Variants in FHOD3 observed in about 807,000 individuals in gnomAD.
FHOD3 encodes the protein FH1/FH2 domain-containing protein 3.
FHOD3 carries 90 observed loss-of-function variants against 173.0 expected under a neutral mutation model. That is an observed-to-expected ratio of 0.52 (90% CI 0.44 to 0.62). The LOEUF (loss-of-function observed/expected upper bound fraction) is 0.62, where lower values mean the gene tolerates loss of function less well. Among genes scored for constraint, FHOD3 ranks in the 20% least tolerant of loss-of-function variants. The pLI, the probability that FHOD3 is intolerant of heterozygous loss-of-function variation, is 0.00. For synonymous variants in FHOD3, 828 were observed against 823.0 expected (o/e 1.01, Z -0.10); for missense variants, 1,945 against 2,034.7 (o/e 0.96, Z 0.85).
chr18:36,373,276 G>T (rs1352329757), intron 3 of FHOD3, among the ~76,000 whole-genome samples: 3 of 152,160 alleles, frequency 2.0e-5, no homozygotes, highest in Non-Finnish European at 4.4e-5. Flanking sequence ...CCAAGTTGCG[G>T]CAAGAATATA....
chr18:36,594,962 G>T, intron 7 of FHOD3, 64 bp downstream of exon 7: 1 of 1,026,684 alleles, frequency 9.7e-7, no homozygotes, highest in South Asian at 1.4e-5. Context: ...AGGCTTCTGT[G>T]TTGTACATGC....
At chr18:36,485,794 G>A (rs2054162955) in intron 3 of FHOD3, among the ~76,000 whole-genome samples, 1 of 152,186 alleles carries the variant, frequency 6.6e-6, no homozygotes, top group South Asian at 2.1e-4. Context: ...AAGTCAGCCT[G>A]TGTCTCTTGC....
chr18:36,661,318 C>T (rs1373927077), intron 14 of FHOD3, among the ~76,000 whole-genome samples: 1 of 151,776 alleles, frequency 6.6e-6, no homozygotes, highest in Non-Finnish European at 1.5e-5. Flanking sequence ...ATTTTTTGCC[C>T]ATTAAGATGT....
chr18:36,574,854 A>G (rs758242935), intron 5 of FHOD3, among the ~76,000 whole-genome samples: 1 of 152,166 alleles, frequency 6.6e-6, no homozygotes, highest in Non-Finnish European at 1.5e-5. Context: ...ATTTCTCAAA[A>G]TATACTGCTT....
intron 3 of FHOD3, among the ~76,000 whole-genome samples, chr18:36,384,399 C>CA (rs144400826): frequency 0.044 from 6,603 of 151,076 alleles, 484 homozygotes; most frequent in African/African-American, 0.15. Flanking sequence ...AAAAAACAAA[C>CA]ACAAAAAACA....
intron 4 of FHOD3, among the ~76,000 whole-genome samples, chr18:36,507,689 GCTAA>G (rs1249203957): frequency 6.6e-6 from 1 of 152,164 alleles, no homozygotes; most frequent in Non-Finnish European, 1.5e-5. Flanking sequence ...TAAATATTGT[GCTAA>G]CTAATTAATT....
Position 36,679,678 on chromosome 18 carries a change from A to G in FHOD3, c.1836-1758A>G, listed in dbSNP as rs189532752. Among the ~76,000 whole-genome samples, 74 of 151,944 alleles carry G rather than the reference A, an allele frequency of 4.9e-4. 1 individual carries two copies. Among genetic ancestry groups the G allele is most frequent in the Middle Eastern group, 3.4e-3 (1 of 294 alleles). On this transcript the variant is annotated intron_variant, in intron 14 of 28. Transcript: ENST00000590592. ...TAGACATGTTTTAGTTTTTCCAATT[A>G]TATGGATTTTTTTCAAATTTATCTC... is the stretch of plus-strand genomic sequence containing the variant.
At chr18:36,434,235 T>C (rs1305050181) in intron 3 of FHOD3, among the ~76,000 whole-genome samples, 1 of 152,250 alleles carries the variant, frequency 6.6e-6, no homozygotes, top group African/African-American at 2.4e-5. Flanking sequence ...TGGTCTATAA[T>C]CCAATTTGAC....
chr18:36,498,165 G>A (rs2054843065), intron 3 of FHOD3, among the ~76,000 whole-genome samples: 2 of 151,794 alleles, frequency 1.3e-5, no homozygotes. Flanking sequence ...TCAAATAAAT[G>A]AAAATGAAAA....
intron 2 of FHOD3, among the ~76,000 whole-genome samples, chr18:36,361,324 G>A (rs933813633): frequency 6.6e-6 from 1 of 152,130 alleles, no homozygotes; most frequent in African/African-American, 2.4e-5. Context: ...CCAGGTGCCA[G>A]AACTGCTGAT....
In FHOD3 at chr18:36,640,314, C is replaced by A. The variant is rs565806517; in HGVS notation, c.1197-9002C>A. ...AAACTTTAAAAAACTTGATGGCTAA[C>A]AAAACTCTACTTTTAAGTGAAATCA... On this transcript the variant is annotated intron_variant, in intron 10 of 28. Transcript: ENST00000590592. Among the ~76,000 whole-genome samples the A allele has an allele frequency of 8.0e-3, 1,224 of 152,306 alleles. 7 individuals are homozygous for A. The highest frequency in any genetic ancestry group is 0.013 in the Non-Finnish European group (917 of 68,026).
intron 3 of FHOD3, among the ~76,000 whole-genome samples, chr18:36,462,931 C>T (rs2052649829): frequency 6.6e-6 from 1 of 152,140 alleles, no homozygotes; most frequent in Non-Finnish European, 1.5e-5. Context: ...TGTACCCAAC[C>T]CACTTATCTG....
chr18:36,372,024 G>C (rs1209652741), intron 2 of FHOD3, among the ~76,000 whole-genome samples: 1 of 152,160 alleles, frequency 6.6e-6, no homozygotes, highest in Admixed American at 6.5e-5. Flanking sequence ...TCTGCATAAA[G>C]CAGAATGGGC....
chr18:36,647,519 CCAT>C (rs57465747), intron 10 of FHOD3, among the ~76,000 whole-genome samples: 39,000 of 151,892 alleles, frequency 0.26, 5,241 homozygotes, highest in South Asian at 0.4. Context: ...GTAATTCATC[CCAT>C]CATTTTTTTA....
intron 9 of FHOD3, among the ~76,000 whole-genome samples, chr18:36,623,080 C>G (rs1599919305): frequency 1.3e-5 from 2 of 152,222 alleles, no homozygotes; most frequent in African/African-American, 4.8e-5. Context: ...TCAGAAAGCC[C>G]TAACTGCATG....
At chr18:36,401,128 T>C (rs897974743) in intron 3 of FHOD3, among the ~76,000 whole-genome samples, 41 of 151,924 alleles carry the variant, frequency 2.7e-4, no homozygotes, top group African/African-American at 9.7e-4. Flanking sequence ...AATATTGGTG[T>C]CCCCCCAGAT....
Position 36,687,176 on chromosome 18 carries a change from A to C in FHOD3, c.2019A>C (p.Glu673Asp). 1.9e-6 allele frequency: 3 copies of C among 1,609,508 alleles called. No individual in the cohort carries two copies. The highest frequency in any genetic ancestry group is 1.7e-6 in the Non-Finnish European group (2 of 1,176,460). Reference sequence around the variant, plus strand: ...AGGAGCAAAGGCAAGCAAGAGAAGAAAGGTTTGTATATTTCTTCTTTCCCA... The same window carrying C: ...AGGAGCAAAGGCAAGCAAGAGAAGACAGGTTTGTATATTTCTTCTTTCCCA... ...KREEQRQARE[E>D]RYKYLEQLAA... The change falls in exon 16 of 29, where the codon GAA (glutamate) becomes GAC (aspartate). Residue 673 changes from glutamate (E) to aspartate (D), a missense_variant and splice_region_variant. Transcript: ENST00000590592.
Position 36,709,199 on chromosome 18 carries a change from G to C in FHOD3, c.2341G>C (p.Glu781Gln). The C allele has an allele frequency of 1.9e-6, 3 of 1,614,212 alleles. No individual in the cohort carries two copies. Among genetic ancestry groups the C allele is most frequent in the South Asian group, 1.1e-5 (1 of 91,082 alleles). The change falls in exon 18 of 29, where the codon GAG (glutamate) becomes CAG (glutamine). Residue 781 changes from glutamate (E) to glutamine (Q), a missense_variant. Glu to Gln is a conservative substitution (Grantham distance 29). Around this residue, in one of 5 missense-constraint regions of FHOD3, gnomAD observed 1,099 missense variants for 1,051.2 expected, o/e 1.05. Coordinates refer to ENST00000590592, the MANE Select transcript of FHOD3 (RefSeq NM_001281740.3). ...EAGQDIASAH[E>Q]GAETEVEQAL... The stretch of plus-strand genomic sequence containing the variant: ...TGGCCAGGACATAGCCTCTGCCCAC[G>C]AGGGTGCAGAGACTGAAGTGGAGCA...
rs751539967 is a variant in FHOD3, at chr18:36,334,229, G to A, written c.166-21310G>A. ...GTGTTAAAATAAGTCAGTTTTTTAT[G>A]GATTACATTTTTAATAATACTTATT... On this transcript the variant is annotated intron_variant, in intron 1 of 28. Coordinates refer to ENST00000590592, the MANE Select transcript of FHOD3 (RefSeq NM_001281740.3). Among the ~76,000 whole-genome samples, 11 of 152,176 alleles carry A rather than the reference G, an allele frequency of 7.2e-5. 1 individual carries two copies. The highest frequency in any genetic ancestry group is 1.6e-4 in the Non-Finnish European group (11 of 68,032).
Sources: allele counts gnomAD v4.1 joint callset (sites outside exome capture counted in the v4.1 genomes callset), GRCh38; gene constraint gnomAD v4.1.1; regional missense constraint gnomAD v4.1.1; transcripts MANE v1.5; gene names NCBI Gene and HGNC (gene_info 2026-07-23, HGNC 2026-07-21).